Variants in SMURF2 observed in about 807,000 individuals in gnomAD.
The protein encoded by SMURF2 is SMAD specific E3 ubiquitin protein ligase 2.
In SMURF2, 48 loss-of-function variants were observed where a neutral mutation model predicts 109.6. The observed-to-expected ratio is 0.44, with a 90% CI of 0.35 to 0.56. The LOEUF is 0.56. Among genes scored for constraint, SMURF2 ranks in the 20% least tolerant of loss-of-function variants. The pLI is 0.01. For synonymous variants in SMURF2, 288 were observed against 317.1 expected (o/e 0.91, Z 0.97); for missense variants, 575 against 909.0 (o/e 0.63, Z 4.72).
chr17:64,661,593 T>C (rs1300880447), intron 1 of SMURF2, among the ~76,000 whole-genome samples: 1 of 151,956 alleles, frequency 6.6e-6, no homozygotes, highest in African/African-American at 2.4e-5. Flanking sequence ...TGCGAACCGG[T>C]GTATTCTCCC....
Position 64,591,077 on chromosome 17 carries a change from C to T in SMURF2, c.400+7G>A. 1 of 1,608,294 alleles carries T rather than the reference C, an allele frequency of 6.2e-7. No homozygotes were observed. The highest frequency in any genetic ancestry group is 8.5e-7 in the Non-Finnish European group (1 of 1,176,388). On this transcript the variant is annotated splice_region_variant and intron_variant, in intron 5 of 18. Transcript: ENST00000262435. ...AAAATTCATGTAACTTTAAATTCCA[C>T]ACTTACCTACTATCTGTCCTCTAAC...
At chr17:64,630,855 T>G (rs1177271389) in intron 1 of SMURF2, among the ~76,000 whole-genome samples, 1 of 152,064 alleles carries the variant, frequency 6.6e-6, no homozygotes, top group Non-Finnish European at 1.5e-5. Flanking sequence ...CAACCAGCAC[T>G]CAATTATCTC....
intron 1 of SMURF2, among the ~76,000 whole-genome samples, chr17:64,622,343 C>T (rs916774793): frequency 2.6e-5 from 4 of 152,098 alleles, no homozygotes; most frequent in East Asian, 3.8e-4. Flanking sequence ...TGAACCAATA[C>T]ATTATTATAC....
At chr17:64,558,005 C>T (rs762170806) in intron 12 of SMURF2, among the ~76,000 whole-genome samples, 39 of 152,256 alleles carry the variant, frequency 2.6e-4, no homozygotes, top group African/African-American at 8.9e-4. Flanking sequence ...CAGCTACTCA[C>T]GAGATGATAC....
intron 1 of SMURF2, among the ~76,000 whole-genome samples, chr17:64,626,086 A>G (rs1039514327): frequency 6.6e-6 from 1 of 150,940 alleles, no homozygotes; most frequent in South Asian, 2.1e-4. Flanking sequence ...CCGAAACCCC[A>G]TCTCTACTAA....
At chr17:64,647,354 G>T (rs1461761017) in intron 1 of SMURF2, among the ~76,000 whole-genome samples, 1 of 151,996 alleles carries the variant, frequency 6.6e-6, no homozygotes, top group African/African-American at 2.4e-5. Context: ...TTATCACAAT[G>T]AACTTTTGGT....
intron 16 of SMURF2, among the ~76,000 whole-genome samples, chr17:64,548,839 T>C (rs1411606492): frequency 1.3e-5 from 2 of 152,094 alleles, no homozygotes; most frequent in Non-Finnish European, 2.9e-5. Flanking sequence ...CTCCCTAGGG[T>C]TCAAGACTAA....
intron 1 of SMURF2, among the ~76,000 whole-genome samples, chr17:64,645,242 T>C (rs1214384268): frequency 6.6e-6 from 1 of 152,182 alleles, no homozygotes; most frequent in African/African-American, 2.4e-5. Flanking sequence ...ATTTAATAAA[T>C]CTGTTTTCTA....
intron 1 of SMURF2, among the ~76,000 whole-genome samples, chr17:64,646,737 T>A (rs1555693001): frequency 6.6e-6 from 1 of 152,198 alleles, no homozygotes; most frequent in Non-Finnish European, 1.5e-5. Flanking sequence ...TTCAATTTTG[T>A]TGAAAACTAC....
At chr17:64,603,586 A>G (rs1555688789) in intron 2 of SMURF2, among the ~76,000 whole-genome samples, 1 of 142,566 alleles carries the variant, frequency 7.0e-6, no homozygotes. Context: ...GTCGGGGGAA[A>G]AAAAAAAAAA....
chr17:64,659,123 T>C (rs1970740516), intron 1 of SMURF2, among the ~76,000 whole-genome samples: 1 of 152,130 alleles, frequency 6.6e-6, no homozygotes, highest in Non-Finnish European at 1.5e-5. Context: ...GGCTTAAATA[T>C]TTCCTCTTCT....
At chr17:64,658,042 A>G (rs938691297) in intron 1 of SMURF2, among the ~76,000 whole-genome samples, 1 of 152,114 alleles carries the variant, frequency 6.6e-6, no homozygotes, top group African/African-American at 2.4e-5. Flanking sequence ...CATTCAAATC[A>G]CTAACACCTC....
chr17:64,579,554 A>G (rs1969551498), intron 8 of SMURF2, among the ~76,000 whole-genome samples: 1 of 152,188 alleles, frequency 6.6e-6, no homozygotes. Flanking sequence ...AATCACAGAA[A>G]TATTGTAGAA....
chr17:64,596,038 ATT>A (rs199911606), intron 3 of SMURF2, among the ~76,000 whole-genome samples: 18 of 148,766 alleles, frequency 1.2e-4, no homozygotes, highest in Admixed American at 1.1e-3. Context: ...TAAACCACTG[ATT>A]TTTTTTTTTC....
Position 64,562,918 on chromosome 17 carries a change from T to A in SMURF2, c.1065A>T (p.Leu355Phe). ...TCAGGCATTCTGTGTCATCAGGACA[T>A]AACGATACCACTTGCTGTTGCTGTT... ...KDQQQQQVVS[L>F]CPDDTECLTV... Residue 355 changes from leucine to phenylalanine, a missense_variant, in exon 11 of 19, where the codon TTA (leucine) becomes TTT (phenylalanine). By Grantham distance (22) the Leu-to-Phe change is conservative. Coordinates refer to ENST00000262435, the MANE Select transcript of SMURF2 (RefSeq NM_022739.4). 1 of 1,614,166 alleles carries A rather than the reference T, an allele frequency of 6.2e-7. No homozygotes were observed. Among genetic ancestry groups the A allele is most frequent in the Non-Finnish European group, 8.5e-7 (1 of 1,180,000 alleles).
chr17:64,646,206 T>C (rs538308087), intron 1 of SMURF2, among the ~76,000 whole-genome samples: 1 of 151,524 alleles, frequency 6.6e-6, no homozygotes, highest in South Asian at 2.1e-4. Context: ...GCTGGGATTA[T>C]AGGCGCACAC....
intron 1 of SMURF2, among the ~76,000 whole-genome samples, chr17:64,612,429 A>G (rs1224500207): frequency 2.6e-5 from 4 of 151,894 alleles, no homozygotes; most frequent in African/African-American, 9.7e-5. Context: ...GCACTTTGGG[A>G]GGCCAAGGCG....
chr17:64,551,813 T>G (rs1365290548), intron 15 of SMURF2, 109 bp from the exon 16 acceptor site: 2 of 1,372,420 alleles, frequency 1.5e-6, no homozygotes, highest in East Asian at 2.4e-5. Flanking sequence ...CATCTAACAT[T>G]AACGGTTTAG....
At chr17:64,603,582 G>GAA (rs1568191499) in intron 2 of SMURF2, among the ~76,000 whole-genome samples, 2 of 144,804 alleles carry the variant, frequency 1.4e-5, no homozygotes, top group Admixed American at 7.0e-5. Context: ...CTCCGTCGGG[G>GAA]GAAAAAAAAA....
Sources: allele counts gnomAD v4.1 joint callset (sites outside exome capture counted in the v4.1 genomes callset), GRCh38; gene constraint gnomAD v4.1.1; transcripts MANE v1.5; gene names NCBI Gene and HGNC (gene_info 2026-07-23, HGNC 2026-07-21).